Variants in SLC44A5 observed in about 807,000 individuals in gnomAD.
The protein encoded by SLC44A5 is solute carrier family 44 member 5, also known as choline transporter-like protein 5.
A neutral mutation model predicts 101.8 loss-of-function variants in SLC44A5; 57 were observed. The ratio of observed to expected loss-of-function variants is 0.56; its 90% CI spans 0.45 to 0.70. The LOEUF is 0.70. Ranked by LOEUF, SLC44A5 falls within the 30% of genes least tolerant of loss-of-function variation. The pLI, the probability that SLC44A5 is intolerant of heterozygous loss-of-function variation, is 0.00. For missense variants in SLC44A5, 737 were observed against 853.1 expected, an observed-to-expected ratio of 0.86 and a Z score of 1.70; for synonymous variants, 281 against 290.9, an observed-to-expected ratio of 0.97 and a Z score of 0.35.
intron 5 of SLC44A5, among the ~76,000 whole-genome samples, chr1:75,280,515 C>A (rs1486210538): frequency 8.3e-6 from 1 of 119,934 alleles, no homozygotes; most frequent in Non-Finnish European, 1.6e-5. Context: ...TATAAAAAAA[C>A]ACCTTTTCTT....
At chr1:75,488,076 C>T (rs1668246447) in intron 2 of SLC44A5, among the ~76,000 whole-genome samples, 2 of 152,082 alleles carry the variant, frequency 1.3e-5, no homozygotes, top group African/African-American at 4.8e-5. Context: ...TGCTGTCTCC[C>T]ATCACCCCCA....
chr1:75,644,368 G>A, the SLC44A5 span, among the ~76,000 whole-genome samples: 125 of 110,532 alleles, frequency 1.1e-3, no homozygotes, highest in African/African-American at 4.7e-3. Flanking sequence ...TAATAAACAA[G>A]GGATCATTCA....
chr1:75,693,663 C>G, the SLC44A5 span, among the ~76,000 whole-genome samples: 1 of 152,162 alleles, frequency 6.6e-6, no homozygotes, highest in African/African-American at 2.4e-5. Flanking sequence ...GAACTGCATA[C>G]TGGAGCCCAC....
intron 1 of SLC44A5, among the ~76,000 whole-genome samples, chr1:75,543,670 TAC>T (rs1671485647): frequency 9.9e-6 from 1 of 101,482 alleles, no homozygotes; most frequent in Non-Finnish European, 1.9e-5. Flanking sequence ...CACACATATA[TAC>T]ACACATATAT....
chr1:75,595,909 G>T (rs1312874734), intron 1 of SLC44A5, among the ~76,000 whole-genome samples: 1 of 152,098 alleles, frequency 6.6e-6, no homozygotes, highest in Non-Finnish European at 1.5e-5. Context: ...CTGTTAAAAA[G>T]AGATAATTTA....
intron 4 of SLC44A5, among the ~76,000 whole-genome samples, chr1:75,302,843 T>C (rs1256640689): frequency 6.6e-6 from 1 of 152,166 alleles, no homozygotes; most frequent in African/African-American, 2.4e-5. Context: ...CTGGATAACG[T>C]GGATACAGTG....
At chr1:75,210,373 C>G (rs749348083) in intron 23 of SLC44A5, among the ~76,000 whole-genome samples, 8 of 152,028 alleles carry the variant, frequency 5.3e-5, no homozygotes, top group Non-Finnish European at 1.2e-4. Flanking sequence ...AAAAGAAAAC[C>G]CTATTTTGTG....
At chr1:75,512,347 C>T (rs1309710196) in intron 2 of SLC44A5, among the ~76,000 whole-genome samples, 1 of 152,172 alleles carries the variant, frequency 6.6e-6, no homozygotes, top group Non-Finnish European at 1.5e-5. Context: ...TGGCAGTCTG[C>T]ATCTGGGTTT....
chr1:75,702,322 T>C, the SLC44A5 span, among the ~76,000 whole-genome samples: 1 of 152,118 alleles, frequency 6.6e-6, no homozygotes, highest in Admixed American at 6.5e-5. Flanking sequence ...TATAGATCAA[T>C]GGAACAGAAC....
intron 6 of SLC44A5, among the ~76,000 whole-genome samples, chr1:75,259,034 T>G (rs903095422): frequency 3.3e-5 from 5 of 152,048 alleles, no homozygotes; most frequent in Non-Finnish European, 7.4e-5. Context: ...TCACTGACTT[T>G]AAAGACCAAA....
At chr1:75,370,231 T>C (rs1234194830) in intron 3 of SLC44A5, among the ~76,000 whole-genome samples, 1 of 152,248 alleles carries the variant, frequency 6.6e-6, no homozygotes, top group African/African-American at 2.4e-5. Flanking sequence ...TTTGTTCCCA[T>C]ATGCTGTAAC....
the SLC44A5 span, among the ~76,000 whole-genome samples, chr1:75,650,605 T>G: frequency 6.6e-6 from 1 of 152,262 alleles, no homozygotes; most frequent in African/African-American, 2.4e-5. Context: ...TTTCTTGCCT[T>G]TAGGCATATA....
the SLC44A5 span, among the ~76,000 whole-genome samples, chr1:75,682,499 T>C: frequency 6.6e-6 from 1 of 151,838 alleles, no homozygotes; most frequent in South Asian, 2.1e-4. Context: ...AAACAAGCAA[T>C]GGGGAAAGGA....
At chr1:75,489,742 A>G (rs1421047241) in intron 2 of SLC44A5, among the ~76,000 whole-genome samples, 3 of 152,242 alleles carry the variant, frequency 2.0e-5, no homozygotes, top group African/African-American at 4.8e-5. Context: ...ACAAAAAATA[A>G]GTAGATTTTA....
chr1:75,397,958 C>T (rs1035695862), intron 2 of SLC44A5, among the ~76,000 whole-genome samples: 1 of 152,146 alleles, frequency 6.6e-6, no homozygotes, highest in African/African-American at 2.4e-5. Flanking sequence ...TAGGGACATA[C>T]AGGTTTCACA....
intron 1 of SLC44A5, among the ~76,000 whole-genome samples, chr1:75,593,538 AT>A (rs1457500884): frequency 6.6e-6 from 1 of 152,152 alleles, no homozygotes; most frequent in Non-Finnish European, 1.5e-5. Context: ...ATGCACTCTT[AT>A]GTTTGTTGCA....
chr1:75,269,508 T>C (rs1053555335), intron 6 of SLC44A5, among the ~76,000 whole-genome samples: 2 of 152,082 alleles, frequency 1.3e-5, no homozygotes, highest in African/African-American at 4.8e-5. Context: ...CCTTGCATTT[T>C]CTTCTGTTAC....
At chr1:75,383,599 C>A (rs1465762827) in intron 3 of SLC44A5, among the ~76,000 whole-genome samples, 1 of 152,068 alleles carries the variant, frequency 6.6e-6, no homozygotes, top group African/African-American at 2.4e-5. Context: ...CTGAAAGTGA[C>A]GGGGAGAATG....
chr1:75,349,243 G>A (rs918990137), intron 3 of SLC44A5, among the ~76,000 whole-genome samples: 8 of 152,166 alleles, frequency 5.3e-5, no homozygotes, highest in Admixed American at 2.6e-4. Context: ...GGAGGCCGAG[G>A]CAGGAGGATT....
Sources: gnomAD v4.1 joint callset for allele counts (sites outside exome capture counted in the v4.1 genomes callset) on GRCh38, gnomAD v4.1.1 for gene constraint, MANE v1.5 for transcripts, NCBI Gene and HGNC (gene_info 2026-07-23, HGNC 2026-07-21) for gene names.